Variants in TTLL1 observed in about 807,000 individuals in gnomAD.
The protein encoded by TTLL1 is polyglutamylase complex subunit TTLL1.
A neutral mutation model predicts 47.8 loss-of-function variants in TTLL1; 33 were observed. The observed-to-expected ratio is 0.69, with a 90% CI of 0.52 to 0.92. The LOEUF (loss-of-function observed/expected upper bound fraction) is 0.92, where lower values mean the gene tolerates loss of function less well. TTLL1 is among the 40% of genes least tolerant of loss of function. The pLI is 0.00. For synonymous variants in TTLL1, 225 were observed against 214.1 expected, an observed-to-expected ratio of 1.05 and a Z score of -0.45; for missense variants, 488 against 547.5, an observed-to-expected ratio of 0.89 and a Z score of 1.08.
At chr22:43,069,391 CAA>C (rs1303585838) in intron 4 of TTLL1, among the ~76,000 whole-genome samples, 9 of 60,050 alleles carry the variant, frequency 1.5e-4, no homozygotes, top group Admixed American at 3.3e-4. Context: ...GATTCTGTCT[CAA>C]AAAAAAAAAA....
chr22:43,049,751 G>A (rs1371079756), intron 9 of TTLL1, among the ~76,000 whole-genome samples: 2 of 147,884 alleles, frequency 1.4e-5, no homozygotes, highest in Non-Finnish European at 3.0e-5. Flanking sequence ...CTAGGCCACA[G>A]AGTGGGACCC....
intron 7 of TTLL1, among the ~76,000 whole-genome samples, chr22:43,063,097 A>C (rs1184794675): frequency 1.3e-5 from 2 of 152,178 alleles, no homozygotes; most frequent in Non-Finnish European, 2.9e-5. Flanking sequence ...GAAAAATTGT[A>C]AGTTGAGGCA....
At chr22:43,046,958 A>ACCGTGCCCGG (rs1926191380) in intron 9 of TTLL1, among the ~76,000 whole-genome samples, 1 of 152,192 alleles carries the variant, frequency 6.6e-6, no homozygotes, top group African/African-American at 2.4e-5. Context: ...GGCGTGAGCC[A>ACCGTGCCCGG]CCACACCTGG....
intron 1 of TTLL1, among the ~76,000 whole-genome samples, chr22:43,081,607 T>A (rs377215280): frequency 6.6e-6 from 1 of 152,134 alleles, no homozygotes; most frequent in East Asian, 1.9e-4. Flanking sequence ...TGGAGTGCAG[T>A]GGCGCGATCT....
In TTLL1 at chr22:43,084,963, T is replaced by A. The variant is rs866608991; in HGVS notation, c.-90+4314A>T. On this transcript the variant is annotated intron_variant, in intron 1 of 10. Coordinates refer to ENST00000266254, the MANE Select transcript of TTLL1 (RefSeq NM_012263.5). Reference sequence around the variant, plus strand: ...ATCATTAAGAACAAAAGCTGCCACCTTTTTTTTTTTTTTTTTTTTTTTGAG... The same window carrying A: ...ATCATTAAGAACAAAAGCTGCCACCATTTTTTTTTTTTTTTTTTTTTTGAG... Among the ~76,000 whole-genome samples, 126 of 17,540 alleles carry A rather than the reference T, an allele frequency of 7.2e-3. 1 individual carries two copies. The highest frequency in any genetic ancestry group is 0.013 in the African/African-American group (117 of 9,160). The allele number at this position is 17,540 out of a possible 152,430, so 11.5% of individuals were successfully genotyped here.
intron 3 of TTLL1, among the ~76,000 whole-genome samples, chr22:43,073,366 T>TA (rs1928264281): frequency 4.0e-5 from 6 of 149,392 alleles, no homozygotes; most frequent in African/African-American, 1.5e-4. Flanking sequence ...TTTATTTATT[T>TA]TATTTTTTGA....
intron 9 of TTLL1, among the ~76,000 whole-genome samples, chr22:43,049,008 G>A (rs1926379829): frequency 6.6e-6 from 1 of 151,884 alleles, no homozygotes. Flanking sequence ...GAAGGCGAGA[G>A]TTTAAAAACT....
At chr22:43,080,201 A>T (rs2146991733) in intron 1 of TTLL1, among the ~76,000 whole-genome samples, 1 of 152,004 alleles carries the variant, frequency 6.6e-6, no homozygotes, top group East Asian at 1.9e-4. Context: ...ACTACAGGCG[A>T]GTGCCACCAC....
rs145129372 is a variant in TTLL1 at position 43,059,407 on chromosome 22, C to T, written c.868G>A (p.Val290Met). 13 of 1,613,666 alleles carry T rather than the reference C, an allele frequency of 8.1e-6. No homozygotes were observed. Among genetic ancestry groups the T allele is most frequent in the South Asian group, 7.7e-5 (7 of 91,022 alleles). The change falls in exon 8 of 11, where the codon GTG becomes ATG. Residue 290 changes from valine (V) to methionine (M), a missense_variant. By Grantham distance (21) the Val-to-Met change is conservative. Transcript: ENST00000266254. Reference protein sequence around the residue: ...KLFDEIHWIIVQSLKAVAPVM... With the variant: ...KLFDEIHWIIMQSLKAVAPVM... ...ACCGCCACAGCCTTCAGGGACTGCACGATGATCCAGTGGATCTCGTCGAAC... is the reference window on the plus strand; with the variant it reads ...ACCGCCACAGCCTTCAGGGACTGCATGATGATCCAGTGGATCTCGTCGAAC...
chr22:43,064,368 A>C, intron 5 of TTLL1, 44 bp from the exon 6 acceptor site: 1 of 1,585,036 alleles, frequency 6.3e-7, no homozygotes, highest in Non-Finnish European at 8.6e-7. Context: ...TAAAAGATGC[A>C]ATAACGAAGA....
In TTLL1 at chr22:43,069,679, AC is replaced by A; in HGVS notation, c.278del (p.Ser93IlefsTer32). The A allele has an allele frequency of 6.2e-7, 1 of 1,613,634 alleles. No individual in the cohort carries two copies. Reference sequence around the variant, plus strand: ...CATTTTCATCTTTTTCTGCCAGAGGACTCCCTTCTTTCTCCAGCTCCTTCCT... The same window carrying A: ...CATTTTCATCTTTTTCTGCCAGAGGATCCCTTCTTTCTCCAGCTCCTTCCT... ...RYRKELEKEG[S>X]PLAEKDENGK... On this transcript the variant is annotated frameshift_variant, in exon 4 of 11. Coordinates refer to ENST00000266254, the MANE Select transcript of TTLL1 (RefSeq NM_012263.5). LOFTEE classifies it high-confidence loss of function.
At chr22:43,087,856 C>T in intron 1 of TTLL1, among the ~76,000 whole-genome samples, 1 of 90,536 alleles carries the variant, frequency 1.1e-5, no homozygotes, top group Admixed American at 1.2e-4. Context: ...AAAAAAAAAA[C>T]CAAGAATATG....
At position 43,077,612 on chromosome 22, in the gene TTLL1, G is replaced by A. The variant is rs537408690; in HGVS notation, c.-4-2022C>T. ...TCCCAGGCCTGTCAGCGCCACTGTGGGACTCGGAGCTATCATAGTTACAGG... is the reference window on the plus strand; with the variant it reads ...TCCCAGGCCTGTCAGCGCCACTGTGAGACTCGGAGCTATCATAGTTACAGG... On this transcript the variant is annotated intron_variant, in intron 2 of 10. Coordinates refer to ENST00000266254, the MANE Select transcript of TTLL1 (RefSeq NM_012263.5). Among the ~76,000 whole-genome samples the A allele has an allele frequency of 3.9e-4, 59 of 152,266 alleles. No homozygotes were observed. In the South Asian group the frequency reaches 5.0e-3, roughly 13 times the overall value.
At chr22:43,084,501 AG>A (rs1929099299) in intron 1 of TTLL1, among the ~76,000 whole-genome samples, 1 of 145,550 alleles carries the variant, frequency 6.9e-6, no homozygotes, top group African/African-American at 2.6e-5. Context: ...TGCTTTTTCT[AG>A]GTTTCTTTTC....
At chr22:43,083,345 G>C (rs1929022174) in intron 1 of TTLL1, among the ~76,000 whole-genome samples, 1 of 152,102 alleles carries the variant, frequency 6.6e-6, no homozygotes, top group Non-Finnish European at 1.5e-5. Flanking sequence ...GTCCAGCCTG[G>C]GCGACAGAGC....
chr22:43,079,464 G>C (rs1928740901), intron 2 of TTLL1, among the ~76,000 whole-genome samples: 1 of 152,234 alleles, frequency 6.6e-6, no homozygotes. Context: ...ATGGCTCAGG[G>C]AACTTTTCAT....
Position 43,067,429 on chromosome 22 carries a change from G to T in TTLL1, c.503+981C>A, listed in dbSNP as rs143565002. Among the ~76,000 whole-genome samples the T allele has an allele frequency of 3.3e-5, 5 of 152,196 alleles. 1 individual carries two copies. In the East Asian group the frequency reaches 9.6e-4, roughly 29 times the overall value. On this transcript the variant is annotated intron_variant, in intron 5 of 10. Coordinates refer to ENST00000266254, the MANE Select transcript of TTLL1 (RefSeq NM_012263.5). ...TTCAAACCCAGGACCCTAGGGCCAC[G>T]AGTCCCAGGACTTTGGCAGGTGCCT...
chr22:43,059,136 C>A (rs532964777), intron 8 of TTLL1, among the ~76,000 whole-genome samples: 1 of 152,152 alleles, frequency 6.6e-6, no homozygotes. Context: ...ATTACACGTG[C>A]ATGCCACCAT....
chr22:43,046,295 G>A (rs1926120489), intron 10 of TTLL1, 115 bp downstream of exon 10: 2 of 1,165,310 alleles, frequency 1.7e-6, no homozygotes, highest in Non-Finnish European at 2.5e-6. Flanking sequence ...ATTAGTAAAT[G>A]AAACAGTCTG....
Sources: gnomAD v4.1 joint callset for allele counts (sites outside exome capture counted in the v4.1 genomes callset) on GRCh38, gnomAD v4.1.1 for gene constraint, MANE v1.5 for transcripts, NCBI Gene and HGNC (gene_info 2026-07-23, HGNC 2026-07-21) for gene names.